The following GPRC5B variants were observed in gnomAD, a reference collection of about 807,000 sequenced individuals.
GPRC5B encodes the protein G protein-coupled receptor class C group 5 member B.
In GPRC5B, 16 loss-of-function variants were observed where a neutral mutation model predicts 30.1. The ratio of observed to expected loss-of-function variants is 0.53; its 90% CI spans 0.36 to 0.81. The LOEUF (loss-of-function observed/expected upper bound fraction) is 0.81, where lower values mean the gene tolerates loss of function less well. Ranked by LOEUF, GPRC5B falls within the 30% of genes least tolerant of loss-of-function variation. The pLI is 0.01. For missense variants in GPRC5B, 428 were observed against 544.7 expected, an observed-to-expected ratio of 0.79 and a Z score of 2.13; for synonymous variants, 241 against 239.5, an observed-to-expected ratio of 1.01 and a Z score of -0.06.
chr16:19,866,560 G>A (rs1457393635), intron 2 of GPRC5B, among the ~76,000 whole-genome samples: 3 of 151,548 alleles, frequency 2.0e-5, no homozygotes, highest in Non-Finnish European at 4.4e-5. Flanking sequence ...TGTATTTTTA[G>A]TAGAGACAGG....
At chr16:19,861,576 G>A (rs893814145) in intron 3 of GPRC5B, among the ~76,000 whole-genome samples, 10 of 152,122 alleles carry the variant, frequency 6.6e-5, no homozygotes, top group African/African-American at 1.9e-4. Flanking sequence ...ATAATTCACT[G>A]GGTCCAACAG....
chr16:19,879,705 C>G (rs1307307577), intron 1 of GPRC5B, among the ~76,000 whole-genome samples: 1 of 152,192 alleles, frequency 6.6e-6, no homozygotes, highest in African/African-American at 2.4e-5. Flanking sequence ...CTCTGGGCAG[C>G]TGCCATAAGG....
chr16:19,879,357 G>C (rs1597634813), intron 1 of GPRC5B, among the ~76,000 whole-genome samples: 10 of 152,068 alleles, frequency 6.6e-5, no homozygotes, highest in Admixed American at 6.6e-4. Context: ...TGCCAGCCAG[G>C]CTCCTAGAAA....
In GPRC5B at chr16:19,872,986, A is replaced by ACGTTTTC; in HGVS notation, c.-1-141_-1-140insGAAAACG. 1.6e-6 allele frequency: 1 copy of ACGTTTTC among 639,168 alleles called. No homozygotes were observed. Among genetic ancestry groups the ACGTTTTC allele is most frequent in the Non-Finnish European group, 2.7e-6 (1 of 368,158 alleles). The allele number at this position is 639,168 out of a possible 1,614,324, so 39.6% of individuals were successfully genotyped here. A position where few individuals can be genotyped will look rare whatever the true frequency, so the allele number is the denominator to read the frequency against. On this transcript the variant is annotated intron_variant, in intron 1 of 3. Transcript: ENST00000300571. The surrounding 1 kb of genome is among the most constrained non-coding windows in gnomAD (Gnocchi z 5.0). ...CACGGCACCTTTGCACACATAGGAA[A>ACGTTTTC]ACGTGCTCCTTTCCTCAGGCACGGA...
intron 2 of GPRC5B, among the ~76,000 whole-genome samples, chr16:19,862,799 C>G (rs2056637951): frequency 6.6e-6 from 1 of 152,142 alleles, no homozygotes; most frequent in Admixed American, 6.5e-5. Context: ...CACCTGTAAT[C>G]CCAGCTACTC....
rs1347102114 is a variant in GPRC5B at position 19,884,828 on chromosome 16, C to T, written c.-103G>A. ...CCCCCGCTCCACGCACGCCCGCCTG[C>T]GGGTCCAGCTTCACTGCAGCGCCTG... On this transcript the variant is annotated 5_prime_UTR_variant, in exon 1 of 4. Coordinates refer to ENST00000300571, the MANE Select transcript of GPRC5B (RefSeq NM_016235.3). The T allele has an allele frequency of 1.1e-5, 11 of 983,848 alleles. No homozygotes were observed. The highest frequency in any genetic ancestry group is 1.2e-4 in the Admixed American group (2 of 16,114). 60.9% of individuals were successfully genotyped at this position (983,848 alleles called of 1,614,324 possible). A position where few individuals can be genotyped will look rare whatever the true frequency, so the allele number is the denominator to read the frequency against.
intron 2 of GPRC5B, among the ~76,000 whole-genome samples, chr16:19,863,501 T>A (rs1037470251): frequency 8.9e-5 from 13 of 146,604 alleles, no homozygotes; most frequent in Non-Finnish European, 1.7e-4. Context: ...CTTTTTTTTT[T>A]TTTTTTTTTT....
At chr16:19,865,968 C>T (rs558081015) in intron 2 of GPRC5B, among the ~76,000 whole-genome samples, 8 of 152,232 alleles carry the variant, frequency 5.3e-5, no homozygotes, top group African/African-American at 1.7e-4. Context: ...CCCACTCTGT[C>T]GCCCAGGCTG....
Position 19,858,604 on chromosome 16 carries a change from A to C in GPRC5B, c.*1896T>G. On this transcript the variant is annotated 3_prime_UTR_variant, in exon 4 of 4. Coordinates refer to ENST00000300571, the MANE Select transcript of GPRC5B (RefSeq NM_016235.3). ...CACCGGACAGGACCGAGGTGTTTGA[A>C]GATTTCTTTCTTTTCAGAATACCGG... 1.7e-6 allele frequency: 1 copy of C among 590,636 alleles called. No individual in the cohort carries two copies. The highest frequency in any genetic ancestry group is 3.1e-6 in the Non-Finnish European group (1 of 325,280). 36.6% of individuals were successfully genotyped at this position (590,636 alleles called of 1,614,324 possible).
chr16:19,879,718 C>T (rs1322850325), intron 1 of GPRC5B, among the ~76,000 whole-genome samples: 1 of 152,128 alleles, frequency 6.6e-6, no homozygotes, highest in East Asian at 1.9e-4. Flanking sequence ...CCATAAGGTG[C>T]CTCATCTGCA....
Position 19,861,751 on chromosome 16 carries a change from A to G in GPRC5B, c.1167+86T>C, listed in dbSNP as rs542456338. On this transcript the variant is annotated intron_variant, in intron 3 of 3. Transcript: ENST00000300571. ...CTTGCAGGCCACATGGGCAGCCTCCATGGAGGAGTATGTCCCTGTTGAAGC... is the reference window on the plus strand; with the variant it reads ...CTTGCAGGCCACATGGGCAGCCTCCGTGGAGGAGTATGTCCCTGTTGAAGC... 1,236 of 1,159,378 alleles carry G rather than the reference A, an allele frequency of 1.1e-3. 3 individuals are homozygous for G. The highest frequency in any genetic ancestry group is 1.4e-3 in the Non-Finnish European group (1,127 of 782,868). The allele number at this position is 1,159,378 out of a possible 1,614,324, so 71.8% of individuals were successfully genotyped here.
chr16:19,881,675 G>A (rs1380259892), intron 1 of GPRC5B, among the ~76,000 whole-genome samples: 1 of 152,134 alleles, frequency 6.6e-6, no homozygotes, highest in Non-Finnish European at 1.5e-5. Context: ...CCAGATACTT[G>A]GGAGGCTGAG....
At position 19,872,379 on chromosome 16, in the gene GPRC5B, C is replaced by T; in HGVS notation, c.467G>A (p.Gly156Asp). The part of the protein sequence containing the change: ...RVRRLVRHGT[G>D]PAGWQLVGLA... Reference sequence around the variant, plus strand: ...GCCCACCAGCTGCCAGCCCGCGGGGCCCGTGCCATGCCGCACCAGCCTCCG... The same window carrying T: ...GCCCACCAGCTGCCAGCCCGCGGGGTCCGTGCCATGCCGCACCAGCCTCCG... The change falls in exon 2 of 4, where the codon GGC becomes GAC. Residue 156 changes from glycine (G) to aspartate (D), a missense_variant. Transcript: ENST00000300571. The surrounding 1 kb of genome is among the most constrained non-coding windows in gnomAD (Gnocchi z 5.0). The T allele has an allele frequency of 1.9e-6, 3 of 1,613,452 alleles. No homozygotes were observed. The South Asian group carries it at 3.3e-5, about 18-fold the overall frequency.
At chr16:19,862,985 TG>T (rs2056639290) in intron 2 of GPRC5B, among the ~76,000 whole-genome samples, 2 of 152,232 alleles carry the variant, frequency 1.3e-5, no homozygotes, top group African/African-American at 2.4e-5. Context: ...TGCTTTTGTT[TG>T]TTTGTTTTGC....
intron 1 of GPRC5B, among the ~76,000 whole-genome samples, chr16:19,876,158 C>T (rs1352197091): frequency 1.3e-5 from 2 of 152,220 alleles, no homozygotes; most frequent in African/African-American, 4.8e-5. Flanking sequence ...TCACTACCAC[C>T]GATTCCCCAA....
chr16:19,874,329 T>C (rs2056745142), intron 1 of GPRC5B, among the ~76,000 whole-genome samples: 1 of 152,176 alleles, frequency 6.6e-6, no homozygotes, highest in South Asian at 2.1e-4. Flanking sequence ...CTCCCAGTGC[T>C]GAGCTCAGCT....
chr16:19,862,356 C>T (rs2056632813), intron 2 of GPRC5B: 2 of 202,306 alleles, frequency 9.9e-6, no homozygotes, highest in Non-Finnish European at 1.0e-5. Context: ...TTTCTGGACA[C>T]ACACTGAGGA....
intron 3 of GPRC5B, 36 bp from the exon 4 acceptor site, chr16:19,860,580 CTG>C (rs769924647): frequency 4.1e-6 from 6 of 1,447,994 alleles, no homozygotes; most frequent in Admixed American, 1.8e-5. Flanking sequence ...ACTGAGAACT[CTG>C]TGCTTTGCAA....
chr16:19,875,609 C>A (rs2056754433), intron 1 of GPRC5B, among the ~76,000 whole-genome samples: 1 of 152,012 alleles, frequency 6.6e-6, no homozygotes, highest in Non-Finnish European at 1.5e-5. Context: ...GAAACCCTGT[C>A]TCTACTAAAA....
Sources: allele counts gnomAD v4.1 joint callset (sites outside exome capture counted in the v4.1 genomes callset), GRCh38; gene constraint gnomAD v4.1.1; non-coding constraint Gnocchi (gnomAD v3.1); transcripts MANE v1.5; gene names NCBI Gene and HGNC (gene_info 2026-07-23, HGNC 2026-07-21).